EPC2: variants seen among roughly 807,000 people sequenced by gnomAD.
The protein encoded by EPC2 is enhancer of polycomb homolog 2.
In EPC2, 14 loss-of-function variants were observed where a neutral mutation model predicts 92.1. That is an observed-to-expected ratio of 0.15 (90% CI 0.10 to 0.24). EPC2 has a LOEUF of 0.24. Ranked by LOEUF, EPC2 falls within the 10% of genes least tolerant of loss-of-function variation. EPC2 has a pLI of 1.00. For synonymous variants in EPC2, 340 were observed against 334.7 expected (o/e 1.02, Z -0.17); for missense variants, 755 against 971.5 (o/e 0.78, Z 2.96).
rs758474126 is a variant in EPC2, at chr2:148,781,755, C to T, written c.1832C>T (p.Ser611Leu). 11 of 1,613,846 alleles carry T rather than the reference C, an allele frequency of 6.8e-6. No individual in the cohort carries two copies. Among genetic ancestry groups the T allele is most frequent in the African/African-American group, 6.7e-5 (5 of 74,924 alleles). ...LQQKQQSQHS[S>L]QQTHPKAQGS... is the part of the protein sequence containing the mutation. Reference sequence around the variant, plus strand: ...CAGAAACAGCAATCTCAGCATTCCTCGCAACAGACACATCCAAAAGCACAG... The same window carrying T: ...CAGAAACAGCAATCTCAGCATTCCTTGCAACAGACACATCCAAAAGCACAG... The change falls in exon 11 of 14, where the codon TCG becomes TTG. Residue 611 changes from serine to leucine, a missense_variant. Coordinates refer to ENST00000258484, the MANE Select transcript of EPC2 (RefSeq NM_015630.4).
chr2:148,671,832 A>T (rs868290941), intron 1 of EPC2, among the ~76,000 whole-genome samples: 7 of 151,112 alleles, frequency 4.6e-5, no homozygotes, highest in African/African-American at 1.7e-4. Context: ...TAGTTGCATT[A>T]TTTTCATTTA....
At chr2:148,701,647 A>T (rs1681889305) in intron 2 of EPC2, among the ~76,000 whole-genome samples, 1 of 151,944 alleles carries the variant, frequency 6.6e-6, no homozygotes, top group Non-Finnish European at 1.5e-5. Context: ...CTTTGTTGAG[A>T]ATTTTTGCAT....
chr2:148,688,967 G>A (rs984037851), intron 1 of EPC2, among the ~76,000 whole-genome samples: 5 of 152,122 alleles, frequency 3.3e-5, no homozygotes, highest in African/African-American at 1.2e-4. Context: ...AAGTAAAACA[G>A]GGAAGGAATG....
chr2:148,744,673 A>G (rs1423530585), intron 3 of EPC2, among the ~76,000 whole-genome samples: 1 of 152,008 alleles, frequency 6.6e-6, no homozygotes, highest in Non-Finnish European at 1.5e-5. Flanking sequence ...TCTTTATCCT[A>G]TTTTTCTATG....
intron 2 of EPC2, among the ~76,000 whole-genome samples, chr2:148,737,662 T>C (rs1342465436): frequency 6.6e-6 from 1 of 152,154 alleles, no homozygotes. Flanking sequence ...AATAGTTGCA[T>C]AGCTACACTG....
intron 13 of EPC2, 45 bp downstream of exon 13, chr2:148,785,046 G>C (rs533627617): frequency 3.5e-5 from 50 of 1,434,550 alleles, no homozygotes; most frequent in Non-Finnish European, 4.4e-5. Context: ...TGTGCTGGCT[G>C]TCCTGTGGGA....
At chr2:148,730,909 A>G (rs1195157066) in intron 2 of EPC2, among the ~76,000 whole-genome samples, 1 of 152,170 alleles carries the variant, frequency 6.6e-6, no homozygotes, top group Non-Finnish European at 1.5e-5. Context: ...TGTGCATATA[A>G]CTTCATTGAA....
At chr2:148,715,822 C>G (rs1047166458) in intron 2 of EPC2, among the ~76,000 whole-genome samples, 1 of 152,132 alleles carries the variant, frequency 6.6e-6, no homozygotes, top group African/African-American at 2.4e-5. Context: ...GCAGTGTGAC[C>G]ATTTTCACAA....
intron 4 of EPC2, among the ~76,000 whole-genome samples, chr2:148,758,787 G>A (rs1406309951): frequency 6.6e-6 from 1 of 152,170 alleles, no homozygotes; most frequent in Non-Finnish European, 1.5e-5. Context: ...AATATCAGCA[G>A]TAATGGGACA....
At chr2:148,694,067 G>T (rs1040881926) in intron 2 of EPC2, among the ~76,000 whole-genome samples, 1 of 152,262 alleles carries the variant, frequency 6.6e-6, no homozygotes, top group African/African-American at 2.4e-5. Flanking sequence ...ATAAATAAAT[G>T]AGTGAAAGAA....
intron 1 of EPC2, among the ~76,000 whole-genome samples, chr2:148,663,867 C>A (rs2105356650): frequency 1.3e-5 from 2 of 152,254 alleles, no homozygotes; most frequent in East Asian, 3.9e-4. Context: ...AGGGTTCACA[C>A]TCCTATGACA....
chr2:148,742,165 A>G (rs1365036809), intron 2 of EPC2, among the ~76,000 whole-genome samples: 1 of 152,156 alleles, frequency 6.6e-6, no homozygotes, highest in Non-Finnish European at 1.5e-5. Context: ...TACTTCTTGC[A>G]GTGTCATAAC....
chr2:148,650,605 C>G (rs978177588), intron 1 of EPC2, among the ~76,000 whole-genome samples: 10 of 152,006 alleles, frequency 6.6e-5, no homozygotes, highest in African/African-American at 2.2e-4. Context: ...TGCCATATCT[C>G]CTCTCATATG....
chr2:148,705,760 G>C (rs1344788648), intron 2 of EPC2, among the ~76,000 whole-genome samples: 1 of 152,214 alleles, frequency 6.6e-6, no homozygotes, highest in African/African-American at 2.4e-5. Flanking sequence ...TGAGGGACCT[G>C]ACTGTTAGAA....
chr2:148,756,604 A>T (rs1387887434), intron 4 of EPC2, among the ~76,000 whole-genome samples: 2 of 152,230 alleles, frequency 1.3e-5, no homozygotes, highest in African/African-American at 4.8e-5. Context: ...TGAATACTTC[A>T]GGGCATTCTT....
At chr2:148,784,285 G>A (rs1008781002) in intron 12 of EPC2, among the ~76,000 whole-genome samples, 1 of 152,060 alleles carries the variant, frequency 6.6e-6, no homozygotes, top group Non-Finnish European at 1.5e-5. Context: ...CAGACCCTAG[G>A]ATTTTCCAGT....
intron 1 of EPC2, among the ~76,000 whole-genome samples, chr2:148,650,178 A>G (rs1289717362): frequency 6.6e-6 from 1 of 152,178 alleles, no homozygotes; most frequent in African/African-American, 2.4e-5. Flanking sequence ...TGTGCCTGGC[A>G]CATAATACAT....
chr2:148,785,573 G>T (rs1022196788), intron 13 of EPC2, among the ~76,000 whole-genome samples: 5 of 152,118 alleles, frequency 3.3e-5, no homozygotes, highest in Non-Finnish European at 5.9e-5. Context: ...TGATCCACCC[G>T]CCTCAGCCTC....
chr2:148,750,661 T>G (rs1297422163), intron 3 of EPC2, among the ~76,000 whole-genome samples: 1 of 152,136 alleles, frequency 6.6e-6, no homozygotes, highest in Admixed American at 6.6e-5. Flanking sequence ...ATTTGCTAAA[T>G]AAGATGTTTC....
Sources: gnomAD v4.1 joint callset for allele counts (sites outside exome capture counted in the v4.1 genomes callset) on GRCh38, gnomAD v4.1.1 for gene constraint, MANE v1.5 for transcripts, NCBI Gene and HGNC (gene_info 2026-07-23, HGNC 2026-07-21) for gene names.